CACNA2D3: variants seen among roughly 807,000 people sequenced by gnomAD.
The protein encoded by CACNA2D3 is calcium voltage-gated channel auxiliary subunit alpha2delta 3.
CACNA2D3 carries 60 observed loss-of-function variants against 160.6 expected under a neutral mutation model. That is an observed-to-expected ratio of 0.37 (90% CI 0.30 to 0.46). CACNA2D3 has a LOEUF of 0.46. Ranked by LOEUF, CACNA2D3 falls within the 20% of genes least tolerant of loss-of-function variation. The pLI is 1.00. For missense variants in CACNA2D3, 1,205 were observed against 1,365.0 expected (o/e 0.88, Z 1.85); for synonymous variants, 558 against 492.9 (o/e 1.13, Z -1.75).
At chr3:55,015,280 G>C (rs886466375) in intron 34 of CACNA2D3, among the ~76,000 whole-genome samples, 3 of 152,148 alleles carry the variant, frequency 2.0e-5, no homozygotes, top group African/African-American at 7.2e-5. Flanking sequence ...TCAAATTTTG[G>C]TTCTGCCACA....
chr3:54,324,869 A>G (rs910280123), intron 3 of CACNA2D3, among the ~76,000 whole-genome samples: 23 of 152,178 alleles, frequency 1.5e-4, no homozygotes, highest in Non-Finnish European at 4.4e-5. Context: ...GATTCCCATC[A>G]GACCATTCCT....
chr3:54,888,370 C>A (rs971027302), intron 24 of CACNA2D3, among the ~76,000 whole-genome samples: 3 of 152,126 alleles, frequency 2.0e-5, no homozygotes, highest in Non-Finnish European at 4.4e-5. Context: ...CTCTACTTTG[C>A]AGTCTTGGGG....
intron 28 of CACNA2D3, 53 bp from the exon 29 acceptor site, chr3:54,969,747 G>A: frequency 1.3e-6 from 2 of 1,533,512 alleles, no homozygotes; most frequent in Non-Finnish European, 1.8e-6. Context: ...AGCAGGCACT[G>A]GGATGCCCAA....
chr3:54,155,270 A>G (rs192869807), intron 2 of CACNA2D3, among the ~76,000 whole-genome samples: 71 of 152,332 alleles, frequency 4.7e-4, no homozygotes, highest in African/African-American at 1.5e-3. Flanking sequence ...TATGGGTCAC[A>G]CAAAGCCTGC....
chr3:54,746,056 TTTA>T (rs1701748276), intron 11 of CACNA2D3, among the ~76,000 whole-genome samples: 1 of 152,228 alleles, frequency 6.6e-6, no homozygotes, highest in African/African-American at 2.4e-5. Context: ...TGTTTCTTCT[TTTA>T]TTATGAGCGT....
chr3:54,627,851 A>G lies in CACNA2D3; in HGVS notation c.1028A>G (p.Asn343Ser). The G allele has an allele frequency of 6.2e-7, 1 of 1,607,536 alleles. No individual in the cohort carries two copies. Among genetic ancestry groups the G allele is most frequent in the Non-Finnish European group, 8.5e-7 (1 of 1,176,474 alleles). The stretch of plus-strand genomic sequence containing the variant: ...ATTGGAATGTTGGATATAGCTCTGA[A>G]TGAGGCCTTCAACATTCTGAGTGAT... ...KGIGMLDIALNEAFNILSDFN... is the reference protein window; with the variant it reads ...KGIGMLDIALSEAFNILSDFN... Residue 343 changes from asparagine (N) to serine (S), a missense_variant, in exon 10 of 38, where the codon AAT becomes AGT. Asn to Ser is a conservative substitution (Grantham distance 46). Coordinates refer to ENST00000474759, the MANE Select transcript of CACNA2D3 (RefSeq NM_018398.3).
chr3:54,739,532 A>G (rs991186712), intron 11 of CACNA2D3, among the ~76,000 whole-genome samples: 7 of 152,046 alleles, frequency 4.6e-5, no homozygotes, highest in African/African-American at 1.7e-4. Flanking sequence ...CAGTTGGGGA[A>G]GACATTGGGA....
chr3:54,617,952 T>A (rs960983017), intron 9 of CACNA2D3, among the ~76,000 whole-genome samples: 1 of 126,584 alleles, frequency 7.9e-6, no homozygotes, highest in East Asian at 2.0e-4. Flanking sequence ...AGAGTTTGGG[T>A]TTTTTTTTTT....
chr3:54,539,936 C>T (rs994531385), intron 5 of CACNA2D3, among the ~76,000 whole-genome samples: 3 of 152,280 alleles, frequency 2.0e-5, no homozygotes, highest in African/African-American at 7.2e-5. Context: ...AACCGCCATC[C>T]ATTTTCCCTA....
chr3:54,201,415 AAAG>A (rs1233004872), intron 2 of CACNA2D3, among the ~76,000 whole-genome samples: 1 of 152,220 alleles, frequency 6.6e-6, no homozygotes, highest in Non-Finnish European at 1.5e-5. Context: ...TACGGTAACA[AAAG>A]AAGTATAGCA....
chr3:54,748,133 A>G (rs1019785506), intron 11 of CACNA2D3, among the ~76,000 whole-genome samples: 1 of 152,174 alleles, frequency 6.6e-6, no homozygotes, highest in African/African-American at 2.4e-5. Context: ...CAGAAACACA[A>G]GCTTTCTTCA....
At chr3:54,904,094 G>A (rs767161956) in intron 27 of CACNA2D3, among the ~76,000 whole-genome samples, 9 of 152,216 alleles carry the variant, frequency 5.9e-5, no homozygotes, top group Non-Finnish European at 1.0e-4. Context: ...AAGAGCCTTC[G>A]TGCTGTGTCA....
chr3:54,229,037 A>G (rs879325722), intron 2 of CACNA2D3, among the ~76,000 whole-genome samples: 17 of 152,194 alleles, frequency 1.1e-4, no homozygotes, highest in African/African-American at 3.4e-4. Flanking sequence ...GAATGAATGC[A>G]TACGTTTCCT....
intron 11 of CACNA2D3, among the ~76,000 whole-genome samples, chr3:54,645,387 C>T (rs866223598): frequency 3.9e-5 from 6 of 152,200 alleles, no homozygotes; most frequent in African/African-American, 1.4e-4. Flanking sequence ...TATCGTTATT[C>T]TATAAAATTT....
chr3:54,468,392 A>G, intron 4 of CACNA2D3, among the ~76,000 whole-genome samples: 1 of 152,180 alleles, frequency 6.6e-6, no homozygotes, highest in Non-Finnish European at 1.5e-5. Flanking sequence ...GGAATGGTGC[A>G]TTCCAGCCAG....
chr3:54,698,887 G>C (rs2106944465), intron 11 of CACNA2D3, among the ~76,000 whole-genome samples: 1 of 152,162 alleles, frequency 6.6e-6, no homozygotes, highest in South Asian at 2.1e-4. Context: ...AGACATACAA[G>C]GACGTATGGG....
chr3:54,539,392 C>G (rs981957329), intron 5 of CACNA2D3, among the ~76,000 whole-genome samples: 7 of 152,198 alleles, frequency 4.6e-5, no homozygotes, highest in Admixed American at 2.6e-4. Context: ...TCAAATGCAG[C>G]CTAGTGAACA....
chr3:54,191,403 T>G (rs63194463), intron 2 of CACNA2D3, among the ~76,000 whole-genome samples: 2 of 91,066 alleles, frequency 2.2e-5, no homozygotes, highest in African/African-American at 9.6e-5. Context: ...ATCAACATCA[T>G]CATCATCATC....
At chr3:55,024,886 C>A (rs75852172) in intron 35 of CACNA2D3, among the ~76,000 whole-genome samples, 1 of 152,066 alleles carries the variant, frequency 6.6e-6, no homozygotes, top group Non-Finnish European at 1.5e-5. Context: ...GATCACAGGC[C>A]GTGTGTGATG....
Sources: gnomAD v4.1 joint callset for allele counts (sites outside exome capture counted in the v4.1 genomes callset) on GRCh38, gnomAD v4.1.1 for gene constraint, MANE v1.5 for transcripts, NCBI Gene and HGNC (gene_info 2026-07-23, HGNC 2026-07-21) for gene names.